TDP1: variants seen among roughly 807,000 people sequenced by gnomAD.
TDP1 encodes the protein tyr-DNA phosphodiesterase 1.
A neutral mutation model predicts 81.5 loss-of-function variants in TDP1; 64 were observed. The observed-to-expected ratio is 0.79, with a 90% CI of 0.64 to 0.97. The LOEUF (loss-of-function observed/expected upper bound fraction) is 0.97. Among genes scored for constraint, TDP1 ranks in the 50% least tolerant of loss-of-function variants. The pLI is 0.00. For synonymous variants in TDP1, 256 were observed against 264.3 expected, an observed-to-expected ratio of 0.97 and a Z score of 0.30; for missense variants, 723 against 743.8, an observed-to-expected ratio of 0.97 and a Z score of 0.33.
chr14:89,970,176 G>A (rs543567281), intron 5 of TDP1, among the ~76,000 whole-genome samples: 13 of 152,284 alleles, frequency 8.5e-5, no homozygotes, highest in Admixed American at 2.0e-4. Context: ...GCGCCTGGCC[G>A]AAATATACTT....
rs575624547 is a variant in TDP1 at position 90,001,897 on chromosome 14, C to A, written c.1541+8414C>A. 4.2e-4 allele frequency among the ~76,000 whole-genome samples: 64 copies of A among 151,904 alleles called. 1 individual carries two copies. The highest frequency in any genetic ancestry group is 1.4e-3 in the African/African-American group (58 of 41,344). Reference sequence around the variant, plus strand: ...ATCTTCTCACTGCTTCTGTAGGCATCGACCTGGTTGCTTCTTTATGGGTCT... The same window carrying A: ...ATCTTCTCACTGCTTCTGTAGGCATAGACCTGGTTGCTTCTTTATGGGTCT... On this transcript the variant is annotated intron_variant, in intron 14 of 16. Transcript: ENST00000335725.
intron 6 of TDP1, among the ~76,000 whole-genome samples, chr14:89,972,286 G>C (rs1164072082): frequency 1.3e-5 from 1 of 77,480 alleles, no homozygotes; most frequent in Non-Finnish European, 2.3e-5. Flanking sequence ...CGGAGCAAGA[G>C]GGAAGAGAGG....
rs749517155 is a variant in TDP1 at position 89,980,587 on chromosome 14, A to G, written c.839A>G (p.His280Arg). Residue 280 changes from histidine to arginine, a missense_variant, in exon 8 of 17, where the codon CAC (histidine) becomes CGC (arginine). Transcript: ENST00000335725. Reference protein sequence around the residue: ...LYEEGLRVVIHTSNLIHADWH... With the variant: ...LYEEGLRVVIRTSNLIHADWH... Reference sequence around the variant, plus strand: ...GAAGAAGGCCTCCGGGTTGTCATACACACCTCCAACCTCATCCATGCTGAC... The same window carrying G: ...GAAGAAGGCCTCCGGGTTGTCATACGCACCTCCAACCTCATCCATGCTGAC... 6.8e-6 allele frequency: 11 copies of G among 1,614,072 alleles called. No individual in the cohort carries two copies. In the East Asian group the frequency reaches 2.0e-4, roughly 29 times the overall value.
intron 16 of TDP1, among the ~76,000 whole-genome samples, chr14:90,035,514 G>A (rs1887728947): frequency 6.6e-6 from 1 of 151,372 alleles, no homozygotes; most frequent in African/African-American, 2.4e-5. Flanking sequence ...CCATGTTTCT[G>A]TGCCAACTCC....
chr14:90,015,313 A>AT (rs1326409263), intron 14 of TDP1, among the ~76,000 whole-genome samples: 2 of 152,022 alleles, frequency 1.3e-5, no homozygotes, highest in Non-Finnish European at 2.9e-5. Flanking sequence ...TCCTGTACGA[A>AT]TTTTTTGTCA....
rs116350843 is a variant in TDP1, at chr14:89,982,237, G to A, written c.884+1605G>A. On this transcript the variant is annotated intron_variant, in intron 8 of 16. Coordinates refer to ENST00000335725, the MANE Select transcript of TDP1 (RefSeq NM_018319.4). The stretch of plus-strand genomic sequence containing the variant: ...TTTTTCAGTATCCCACTGAAAATAT[G>A]CTTTTCAAAATGAAGTGTGGCTCTG... Among the ~76,000 whole-genome samples the A allele has an allele frequency of 2.4e-3, 359 of 152,158 alleles. 1 individual carries two copies. The highest frequency in any genetic ancestry group is 7.9e-3 in the African/African-American group (329 of 41,522).
chr14:90,025,574 G>A (rs959757488), intron 15 of TDP1, among the ~76,000 whole-genome samples: 1 of 152,160 alleles, frequency 6.6e-6, no homozygotes, highest in Non-Finnish European at 1.5e-5. Context: ...GTGTATAGTA[G>A]TAGTAGTCGC....
intron 2 of TDP1, among the ~76,000 whole-genome samples, chr14:89,959,568 T>C (rs1892088046): frequency 6.6e-6 from 1 of 152,228 alleles, no homozygotes; most frequent in South Asian, 2.1e-4. Flanking sequence ...TAGGTTGTAA[T>C]AAGCAACTCA....
intron 3 of TDP1, among the ~76,000 whole-genome samples, chr14:89,965,121 G>GT (rs1443457759): frequency 1.3e-5 from 2 of 152,144 alleles, no homozygotes; most frequent in African/African-American, 4.8e-5. Context: ...AATATTTGCA[G>GT]TTTATCTCTG....
rs768861223 is a variant in TDP1 at position 89,963,383 on chromosome 14, C to G, written c.269C>G (p.Ser90Cys). 1 of 1,614,172 alleles carries G rather than the reference C, an allele frequency of 6.2e-7. No individual in the cohort carries two copies. The highest frequency in any genetic ancestry group is 2.2e-5 in the East Asian group (1 of 44,882). The change falls in exon 3 of 17, where the codon TCC (serine) becomes TGC (cysteine). Residue 90 changes from serine (S) to cysteine (C), a missense_variant. Ser to Cys is a moderately radical substitution (Grantham distance 112, BLOSUM62 -1). Transcript: ENST00000335725. ...CAGGAGGACCTCGGCTGGTGTCTGT[C>G]CAGCAGTGATGATGAGCTGCAACCA... ...GSQEDLGWCLSSSDDELQPEM... is the reference protein window; with the variant it reads ...GSQEDLGWCLCSSDDELQPEM...
intron 13 of TDP1, among the ~76,000 whole-genome samples, chr14:89,992,564 A>G (rs1281619794): frequency 6.6e-6 from 1 of 152,218 alleles, no homozygotes; most frequent in Non-Finnish European, 1.5e-5. Context: ...ATGAAAGCAG[A>G]ATTACTTTGA....
intron 6 of TDP1, among the ~76,000 whole-genome samples, chr14:89,971,782 C>T (rs1446224404): frequency 6.6e-6 from 1 of 152,204 alleles, no homozygotes; most frequent in Non-Finnish European, 1.5e-5. Flanking sequence ...GGATGTAGTT[C>T]AGTGGCTGTG....
chr14:89,990,944 C>G (rs188348478), intron 12 of TDP1, among the ~76,000 whole-genome samples: 204 of 152,218 alleles, frequency 1.3e-3, no homozygotes, highest in African/African-American at 4.5e-3. Flanking sequence ...TTGGAACTTT[C>G]TTTATTCTCT....
chr14:89,991,318 G>A (rs193180786), intron 12 of TDP1, among the ~76,000 whole-genome samples: 27 of 152,228 alleles, frequency 1.8e-4, no homozygotes, highest in Non-Finnish European at 3.2e-4. Context: ...GGGGAACAAC[G>A]TGGTATTTTT....
chr14:89,995,508 T>C (rs34754138), intron 14 of TDP1, among the ~76,000 whole-genome samples: 2,697 of 152,338 alleles, frequency 0.018, 35 homozygotes, highest in Middle Eastern at 0.034. Context: ...GAAAAGGACA[T>C]TGAGCATTCC....
chr14:89,967,166 C>T, intron 4 of TDP1: 2 of 960,674 alleles, frequency 2.1e-6, no homozygotes, highest in Non-Finnish European at 2.5e-6. Flanking sequence ...TACTTGGCTC[C>T]ATTTAGGTTC....
intron 16 of TDP1, among the ~76,000 whole-genome samples, chr14:90,042,232 C>G (rs950094835): frequency 1.3e-5 from 2 of 152,180 alleles, no homozygotes; most frequent in African/African-American, 4.8e-5. Context: ...TACGTGTGAC[C>G]AGCTGAGAGC....
intron 5 of TDP1, among the ~76,000 whole-genome samples, chr14:89,968,214 A>G (rs1292975035): frequency 6.6e-6 from 1 of 151,818 alleles, no homozygotes; most frequent in African/African-American, 2.4e-5. Context: ...GCTGCATGTA[A>G]AAGAATATTC....
At chr14:89,989,877 A>G (rs1895994373) in intron 12 of TDP1, 112 bp downstream of exon 12, 10 of 825,378 alleles carry the variant, frequency 1.2e-5, no homozygotes, top group South Asian at 9.9e-5. Flanking sequence ...ACTTAACTAT[A>G]TAAGGATCAT....
Sources: gnomAD v4.1 joint callset for allele counts (sites outside exome capture counted in the v4.1 genomes callset) on GRCh38, gnomAD v4.1.1 for gene constraint, MANE v1.5 for transcripts, NCBI Gene and HGNC (gene_info 2026-07-23, HGNC 2026-07-21) for gene names.